The following HECW2 variants were observed in gnomAD, a reference collection of about 807,000 sequenced individuals.
HECW2 encodes E3 ubiquitin-protein ligase HECW2.
Under a neutral mutation model 175.2 loss-of-function variants are expected in HECW2, and 61 were observed. The observed-to-expected ratio is 0.35, with a 90% confidence interval of 0.28 to 0.43. The LOEUF is 0.43. HECW2 is among the 20% of genes least tolerant of loss of function. The pLI is 1.00. For synonymous variants in HECW2, 671 were observed against 731.0 expected (o/e 0.92, Z 1.32); for missense variants, 1,524 against 2,000.5 (o/e 0.76, Z 4.54).
At chr2:196,369,659 C>T (rs972420200) in intron 2 of HECW2, among the ~76,000 whole-genome samples, 1 of 152,160 alleles carries the variant, frequency 6.6e-6, no homozygotes, top group African/African-American at 2.4e-5. Context: ...CATCAAGGAA[C>T]CAGGGCCTAG....
At chr2:196,303,276 G>T (rs2105693745) in intron 13 of HECW2, among the ~76,000 whole-genome samples, 1 of 152,296 alleles carries the variant, frequency 6.6e-6, no homozygotes, top group African/African-American at 2.4e-5. Flanking sequence ...ATTTGATTGT[G>T]GTGGATAACT....
intron 21 of HECW2, among the ~76,000 whole-genome samples, chr2:196,232,356 C>G (rs545466047): frequency 6.6e-6 from 1 of 152,194 alleles, no homozygotes; most frequent in Non-Finnish European, 1.5e-5. Context: ...CCTGCCTCCC[C>G]TATACATACA....
At chr2:196,306,124 G>A (rs1019967402) in intron 13 of HECW2, among the ~76,000 whole-genome samples, 3 of 152,088 alleles carry the variant, frequency 2.0e-5, no homozygotes, top group Non-Finnish European at 2.9e-5. Context: ...AGCACCCTCC[G>A]CCCTTAGACC....
At chr2:196,410,618 C>A (rs1434233605) in intron 2 of HECW2, among the ~76,000 whole-genome samples, 1 of 152,076 alleles carries the variant, frequency 6.6e-6, no homozygotes, top group Non-Finnish European at 1.5e-5. Context: ...GAAATTCAGT[C>A]CAGGACTAAC....
At chr2:196,342,772 T>G (rs1020125130) in intron 3 of HECW2, among the ~76,000 whole-genome samples, 14 of 152,122 alleles carry the variant, frequency 9.2e-5, no homozygotes, top group African/African-American at 3.4e-4. Flanking sequence ...AAGACTGGGG[T>G]CCACACACGA....
chr2:196,488,975 T>C (rs886884448), intron 1 of HECW2, among the ~76,000 whole-genome samples: 2 of 152,114 alleles, frequency 1.3e-5, no homozygotes, highest in Middle Eastern at 3.2e-3. Flanking sequence ...AAGGGAAAAA[T>C]ATTACCTACA....
chr2:196,437,069 A>G (rs1695898359), intron 1 of HECW2, among the ~76,000 whole-genome samples: 1 of 152,150 alleles, frequency 6.6e-6, no homozygotes, highest in Non-Finnish European at 1.5e-5. Context: ...CTCTTTTCAG[A>G]TGAGGAAACT....
intron 1 of HECW2, among the ~76,000 whole-genome samples, chr2:196,471,357 A>G (rs1402115722): frequency 6.6e-6 from 1 of 152,172 alleles, no homozygotes; most frequent in Non-Finnish European, 1.5e-5. Context: ...ACACTTATAC[A>G]CTGCTGGTGG....
intron 28 of HECW2, among the ~76,000 whole-genome samples, chr2:196,214,903 T>C (rs1040156510): frequency 2.6e-5 from 4 of 152,174 alleles, no homozygotes; most frequent in African/African-American, 9.7e-5. Context: ...ATAGTAACAA[T>C]AATATCACCT....
chr2:196,314,869 A>G (rs1050276572), intron 10 of HECW2, among the ~76,000 whole-genome samples: 2 of 152,198 alleles, frequency 1.3e-5, no homozygotes, highest in African/African-American at 4.8e-5. Context: ...ACAAGACACC[A>G]CAGAGTGTAG....
chr2:196,410,387 G>C (rs1011078383), intron 2 of HECW2, among the ~76,000 whole-genome samples: 3 of 152,142 alleles, frequency 2.0e-5, no homozygotes, highest in Admixed American at 6.5e-5. Context: ...TTCAGTCAGA[G>C]AGAGCAGAAC....
intron 14 of HECW2, chr2:196,288,178 G>A (rs1417007905): frequency 6.6e-6 from 1 of 152,122 alleles, no homozygotes; most frequent in African/African-American, 2.4e-5. Context: ...ATGATTTTGT[G>A]CCAATGTGTC....
Position 196,306,599 on chromosome 2 carries a change from C to G in HECW2, c.2703G>C (p.Glu901Asp). ...FHQASADFRR[E>D]NILPHSTSRS... ...TGGAGGTAGAGTGAGGCAGGATGTT[C>G]TCCCGTCGGAAATCTAGATGGGGCA... Residue 901 changes from glutamate to aspartate, a missense_variant, in exon 13 of 29, where the codon GAG becomes GAC. Physicochemically the swap from Glu to Asp is conservative, Grantham distance 45 (BLOSUM62 2). Around this residue, in one of 11 missense-constraint regions of HECW2, gnomAD observed 105 missense variants for 98.1 expected, o/e 1.07. Coordinates refer to ENST00000644978, the MANE Select transcript of HECW2 (RefSeq NM_001348768.2). The G allele has an allele frequency of 6.2e-7, 1 of 1,611,982 alleles. No homozygotes were observed. Among genetic ancestry groups the G allele is most frequent in the Non-Finnish European group, 8.5e-7 (1 of 1,179,074 alleles).
chr2:196,361,502 G>A (rs1016734156), intron 2 of HECW2, among the ~76,000 whole-genome samples: 3 of 152,100 alleles, frequency 2.0e-5, no homozygotes, highest in Non-Finnish European at 4.4e-5. Context: ...GCATTTTCTT[G>A]TAGGTAGAAC....
At chr2:196,452,824 A>G (rs1169704729) in intron 1 of HECW2, among the ~76,000 whole-genome samples, 2 of 151,980 alleles carry the variant, frequency 1.3e-5, no homozygotes, top group African/African-American at 2.4e-5. Context: ...TGGGCCCAAT[A>G]AATGTAGCCT....
intron 2 of HECW2, among the ~76,000 whole-genome samples, chr2:196,350,735 G>C (rs1170798735): frequency 6.6e-6 from 1 of 152,200 alleles, no homozygotes; most frequent in Non-Finnish European, 1.5e-5. Context: ...CTGCCATAAG[G>C]AGCTGACGGG....
chr2:196,281,643 CAAAAAAAA>C (rs66656305), intron 14 of HECW2, among the ~76,000 whole-genome samples: 1 of 38,204 alleles, frequency 2.6e-5, no homozygotes, highest in Non-Finnish European at 3.9e-5. Flanking sequence ...GACCCCGTCT[CAAAAAAAA>C]AAAAAAAAAA....
intron 2 of HECW2, among the ~76,000 whole-genome samples, chr2:196,401,307 G>A (rs191284705): frequency 6.6e-6 from 1 of 152,230 alleles, no homozygotes; most frequent in Admixed American, 6.5e-5. Context: ...ATATTGAGAT[G>A]GATTGATGTC....
At chr2:196,292,865 C>A in intron 13 of HECW2, 115 bp from the exon 14 acceptor site, 1 of 788,448 alleles carries the variant, frequency 1.3e-6, no homozygotes. Flanking sequence ...CATATATAAG[C>A]TTTGACAGAA....
Sources: allele counts gnomAD v4.1 joint callset (sites outside exome capture counted in the v4.1 genomes callset), GRCh38; gene constraint gnomAD v4.1.1; regional missense constraint gnomAD v4.1.1; transcripts MANE v1.5; gene names NCBI Gene and HGNC (gene_info 2026-07-23, HGNC 2026-07-21).